The following TTLL13 variants were observed in gnomAD, a reference collection of about 807,000 sequenced individuals.
The protein encoded by TTLL13 is tubulin tyrosine ligase like 13, also known as tubulin polyglutamylase TTLL13.
chr15:90,255,937 G>A, the TTLL13 span: 22 of 1,611,922 alleles, frequency 1.4e-5, no homozygotes, highest in Middle Eastern at 1.7e-4. Context: ...GAAAAGGGTC[G>A]CTCTCAGAGC....
the TTLL13 span, among the ~76,000 whole-genome samples, chr15:90,254,304 C>A: frequency 2.0e-5 from 3 of 151,372 alleles, no homozygotes; most frequent in Admixed American, 1.3e-4. Context: ...ACCAGCCTGA[C>A]CAACAGGGTA....
chr15:90,261,932 C>T, the TTLL13 span: 1 of 1,264,472 alleles, frequency 7.9e-7, no homozygotes, highest in Admixed American at 2.8e-5. Context: ...GTCTCCAAAC[C>T]TTAGTCAGTC....
the TTLL13 span, among the ~76,000 whole-genome samples, chr15:90,255,390 T>C: frequency 6.6e-6 from 1 of 152,192 alleles, no homozygotes; most frequent in East Asian, 1.9e-4. Context: ...GGGAATGCTT[T>C]CGTCTCATTG....
chr15:90,261,067 CT>C, the TTLL13 span, among the ~76,000 whole-genome samples: 1 of 150,720 alleles, frequency 6.6e-6, no homozygotes, highest in African/African-American at 2.4e-5. Flanking sequence ...CGTATATTAC[CT>C]TTTTTTCTTG....
chr15:90,252,981 G>A, the TTLL13 span, among the ~76,000 whole-genome samples: 1 of 152,062 alleles, frequency 6.6e-6, no homozygotes, highest in South Asian at 2.1e-4. Context: ...CCAGCACAAG[G>A]GCGAAACTCC....
At chr15:90,258,139 C>T in the TTLL13 span, 3 of 1,614,222 alleles carry the variant, frequency 1.9e-6, no homozygotes, top group East Asian at 2.2e-5. Context: ...ATCATCTCAG[C>T]CCATTCTGTT....
the TTLL13 span, chr15:90,249,878 T>C: frequency 2.0e-5 from 3 of 152,370 alleles, no homozygotes; most frequent in African/African-American, 7.2e-5. Context: ...TGTGTACACG[T>C]GCAGAAAATG....
At chr15:90,258,253 A>C in the TTLL13 span, 1 of 1,614,208 alleles carries the variant, frequency 6.2e-7, no homozygotes, top group African/African-American at 1.3e-5. Context: ...CACAAGTTGA[A>C]GCCCTGGCTG....
the TTLL13 span, among the ~76,000 whole-genome samples, chr15:90,253,540 T>A: frequency 6.6e-5 from 10 of 151,990 alleles, no homozygotes; most frequent in Admixed American, 6.6e-4. Flanking sequence ...TCTTGGAGAT[T>A]GTGGGTTTCT....
At chr15:90,258,891 G>T in the TTLL13 span, 2 of 1,614,022 alleles carry the variant, frequency 1.2e-6, no homozygotes. Context: ...GTCAAGGAAC[G>T]GCTTTTCCAG....
At chr15:90,260,974 G>C in the TTLL13 span, among the ~76,000 whole-genome samples, 1 of 152,054 alleles carries the variant, frequency 6.6e-6, no homozygotes, top group Non-Finnish European at 1.5e-5. Context: ...TCAGATTCAT[G>C]CTCATAATCA....
the TTLL13 span, chr15:90,253,478 G>T: frequency 1.6e-6 from 1 of 634,474 alleles, no homozygotes. Context: ...GTCCCCTTGT[G>T]CAGACAAGAA....
At chr15:90,258,163 A>G in the TTLL13 span, 19 of 1,614,046 alleles carry the variant, frequency 1.2e-5, no homozygotes, top group Non-Finnish European at 1.6e-5. Context: ...CGCCACAACT[A>G]CCGAACCTGT....
At chr15:90,261,484 AC>A in the TTLL13 span, among the ~76,000 whole-genome samples, 1 of 150,992 alleles carries the variant, frequency 6.6e-6, no homozygotes, top group African/African-American at 2.4e-5. Context: ...TTACGAGTAG[AC>A]CCCTCTCCAC....
the TTLL13 span, chr15:90,250,943 C>T: frequency 3.2e-6 from 5 of 1,575,622 alleles, no homozygotes; most frequent in East Asian, 2.2e-5. Flanking sequence ...ACCCATTGGC[C>T]TCCCTTCAAC....
chr15:90,262,806 A>G, the TTLL13 span: 3 of 1,217,056 alleles, frequency 2.5e-6, no homozygotes, highest in Non-Finnish European at 3.3e-6. Context: ...ATTGAATCCG[A>G]TCCTTTGGAA....
chr15:90,264,037 G>A, the TTLL13 span: 4 of 1,535,268 alleles, frequency 2.6e-6, no homozygotes, highest in Non-Finnish European at 3.5e-6. Flanking sequence ...TTTTTCCAGT[G>A]CCAGAATCAG....
the TTLL13 span, chr15:90,256,025 G>A: frequency 6.4e-7 from 1 of 1,556,490 alleles, no homozygotes; most frequent in Non-Finnish European, 8.7e-7. Context: ...AGAAAAGAGG[G>A]TCTGAGACTG....
the TTLL13 span, chr15:90,265,128 C>T: frequency 8.1e-7 from 1 of 1,239,496 alleles, no homozygotes; most frequent in Non-Finnish European, 1.1e-6. Flanking sequence ...ACCAAGAATT[C>T]CTCAATACCC....
Sources: allele counts gnomAD v4.1 joint callset (sites outside exome capture counted in the v4.1 genomes callset), GRCh38; gene constraint gnomAD v4.1.1; transcripts MANE v1.5; gene names NCBI Gene and HGNC (gene_info 2026-07-23, HGNC 2026-07-21).